KIF26B: variants seen among roughly 807,000 people sequenced by gnomAD.
KIF26B encodes the protein kinesin-like protein KIF26B.
In KIF26B, 63 loss-of-function variants were observed where a neutral mutation model predicts 151.2. The observed-to-expected ratio is 0.42, with a 90% CI of 0.34 to 0.51. KIF26B has a LOEUF of 0.51. Among genes scored for constraint, KIF26B ranks in the 20% least tolerant of loss-of-function variants. The probability of loss-of-function intolerance (pLI) is 0.07; values close to 1 mark genes in which losing one functional copy is unlikely to be tolerated. For synonymous variants in KIF26B, 1,357 were observed against 1,262.1 expected (o/e 1.08, Z -1.59); for missense variants, 2,813 against 2,913.6 (o/e 0.97, Z 0.79).
At chr1:245,402,955 C>A (rs934062228) in intron 3 of KIF26B, among the ~76,000 whole-genome samples, 1 of 152,124 alleles carries the variant, frequency 6.6e-6, no homozygotes, top group African/African-American at 2.4e-5. Context: ...GAATTCTAGA[C>A]AGCTGGCTTG....
intron 3 of KIF26B, among the ~76,000 whole-genome samples, chr1:245,415,096 A>G (rs1475530440): frequency 6.6e-6 from 1 of 152,208 alleles, no homozygotes; most frequent in East Asian, 1.9e-4. Flanking sequence ...GTTGTTTCCA[A>G]TGTGCCTTCT....
chr1:245,297,451 AGAGGTGGGATTT>A (rs1162189283), intron 2 of KIF26B, among the ~76,000 whole-genome samples: 2 of 152,224 alleles, frequency 1.3e-5, no homozygotes, highest in Admixed American at 6.5e-5. Context: ...AGTGGAAGGC[AGAGGTGGGATTT>A]GAGTCTTTGC....
At chr1:245,549,127 G>A (rs1418704005) in intron 5 of KIF26B, among the ~76,000 whole-genome samples, 3 of 152,056 alleles carry the variant, frequency 2.0e-5, no homozygotes, top group East Asian at 3.9e-4. Context: ...GTGTGTGCAC[G>A]TGTGTGTGTG....
At chr1:245,694,815 C>T (rs142291452) in intron 12 of KIF26B, among the ~76,000 whole-genome samples, 42 of 152,272 alleles carry the variant, frequency 2.8e-4, no homozygotes, top group Middle Eastern at 3.4e-3. Flanking sequence ...CCATTTCATG[C>T]GGTAAATCCA....
Position 245,488,358 on chromosome 1 carries a change from G to A in KIF26B, c.1167-52409G>A, listed in dbSNP as rs537082222. On this transcript the variant is annotated intron_variant, in intron 4 of 14. Coordinates refer to ENST00000407071, the MANE Select transcript of KIF26B (RefSeq NM_018012.4). The surrounding 1 kb of genome is among the most constrained non-coding windows in gnomAD (Gnocchi z 4.6). ...ACAACTTTGTACCCACCTGACATTC[G>A]GCCAGAATTTTTCCAACAGAACCTA... is the stretch of plus-strand genomic sequence containing the variant. 7.9e-5 allele frequency among the ~76,000 whole-genome samples: 12 copies of A among 151,950 alleles called. No individual in the cohort carries two copies. Among genetic ancestry groups the A allele is most frequent in the South Asian group, 4.2e-4 (2 of 4,794 alleles).
chr1:245,169,768 G>A (rs1668679624), intron 2 of KIF26B, among the ~76,000 whole-genome samples: 1 of 152,068 alleles, frequency 6.6e-6, no homozygotes, highest in South Asian at 2.1e-4. Flanking sequence ...TTTATAGAGG[G>A]CTCATAATTA....
rs368163599 is a variant in KIF26B at position 245,444,620 on chromosome 1, G to A, written c.1166+24875G>A. Among the ~76,000 whole-genome samples the A allele has an allele frequency of 1.6e-3, 243 of 152,328 alleles. 1 individual carries two copies. The highest frequency in any genetic ancestry group is 5.3e-3 in the African/African-American group (220 of 41,554). On this transcript the variant is annotated intron_variant, in intron 4 of 14. Coordinates refer to ENST00000407071, the MANE Select transcript of KIF26B (RefSeq NM_018012.4). ...GAGTTCAGATGCCTTTGATTGATGA[G>A]CCACCTTCAAACCAAGTCAGCATGA...
rs35411674 is a variant in KIF26B, at chr1:245,607,066, C to CAAA, written c.1558-564_1558-562dup. 1.6e-3 allele frequency among the ~76,000 whole-genome samples: 115 copies of CAAA among 72,524 alleles called. 2 individuals are homozygous for CAAA. Among genetic ancestry groups the CAAA allele is most frequent in the Non-Finnish European group, 1.5e-3 (52 of 35,354 alleles). 47.6% of individuals were successfully genotyped at this position (72,524 alleles called of 152,430 possible). ...GGGCAACGAGACTGAAACTCCGTCT[C>CAAA]AAAAAAAAAAAAAAAAAAAAAAATG... is the stretch of plus-strand genomic sequence containing the variant. On this transcript the variant is annotated intron_variant, in intron 6 of 14. Coordinates refer to ENST00000407071, the MANE Select transcript of KIF26B (RefSeq NM_018012.4).
chr1:245,246,002 G>T (rs938463263), intron 2 of KIF26B, among the ~76,000 whole-genome samples: 78 of 151,246 alleles, frequency 5.2e-4, no homozygotes, highest in African/African-American at 1.7e-3. Flanking sequence ...TGAGGCAGGA[G>T]AATCGCTTGA....
chr1:245,264,624 G>A (rs553766776), intron 2 of KIF26B, among the ~76,000 whole-genome samples: 5 of 152,132 alleles, frequency 3.3e-5, no homozygotes, highest in Non-Finnish European at 7.4e-5. Context: ...GCTGGATGCC[G>A]TGGCTCACGC....
intron 2 of KIF26B, among the ~76,000 whole-genome samples, chr1:245,289,700 G>A (rs1317141635): frequency 1.2e-5 from 1 of 84,180 alleles, no homozygotes; most frequent in Non-Finnish European, 2.4e-5. Flanking sequence ...TGTGGTGATA[G>A]GATTCCCAAT....
intron 2 of KIF26B, among the ~76,000 whole-genome samples, chr1:245,297,299 C>T (rs111357464): frequency 0.033 from 5,077 of 152,282 alleles, 100 homozygotes; most frequent in Non-Finnish European, 0.048. Context: ...GCCGAGATCA[C>T]GTCACTGCAC....
At chr1:245,212,859 C>T (rs2103544706) in intron 2 of KIF26B, among the ~76,000 whole-genome samples, 1 of 152,334 alleles carries the variant, frequency 6.6e-6, no homozygotes, top group Non-Finnish European at 1.5e-5. Context: ...AATTATTTTA[C>T]AGCATATGGC....
At chr1:245,642,659 G>T (rs1477078876) in intron 9 of KIF26B, among the ~76,000 whole-genome samples, 1 of 151,912 alleles carries the variant, frequency 6.6e-6, no homozygotes, top group East Asian at 1.9e-4. Context: ...TGCATAGACA[G>T]GATAGTTCCC....
intron 2 of KIF26B, among the ~76,000 whole-genome samples, chr1:245,291,397 C>G (rs999836744): frequency 1.3e-5 from 2 of 152,194 alleles, no homozygotes; most frequent in Non-Finnish European, 2.9e-5. Context: ...CTTGGAAAGT[C>G]TTCCAAAGAA....
chr1:245,486,867 C>T (rs1278092327), intron 4 of KIF26B, among the ~76,000 whole-genome samples: 4 of 152,294 alleles, frequency 2.6e-5, no homozygotes, highest in Middle Eastern at 3.4e-3. Context: ...GACAGGGTCT[C>T]GCTGTGTTGC....
chr1:245,662,619 TACACACCCAGTG>T (rs2044164905), intron 10 of KIF26B, among the ~76,000 whole-genome samples: 3 of 54,778 alleles, frequency 5.5e-5, no homozygotes, highest in African/African-American at 2.7e-4. Flanking sequence ...CCAATATATA[TACACACCCAGTG>T]ATATATACAC....
intron 2 of KIF26B, among the ~76,000 whole-genome samples, chr1:245,348,729 G>T (rs1672507452): frequency 6.6e-6 from 1 of 152,072 alleles, no homozygotes. Context: ...GGTCTCTCTG[G>T]CCTCATGTCC....
intron 3 of KIF26B, among the ~76,000 whole-genome samples, chr1:245,392,183 C>T (rs1052453101): frequency 2.0e-5 from 3 of 152,160 alleles, no homozygotes; most frequent in African/African-American, 4.8e-5. Flanking sequence ...CGGCCTTCGG[C>T]GTAATTACGA....
Sources: allele counts gnomAD v4.1 joint callset (sites outside exome capture counted in the v4.1 genomes callset), GRCh38; gene constraint gnomAD v4.1.1; non-coding constraint Gnocchi (gnomAD v3.1); transcripts MANE v1.5; gene names NCBI Gene and HGNC (gene_info 2026-07-23, HGNC 2026-07-21).